Variants in SYNPR observed in about 807,000 individuals in gnomAD.
The protein encoded by SYNPR is synaptoporin.
In SYNPR, 23 loss-of-function variants were observed where a neutral mutation model predicts 32.9. The observed-to-expected ratio is 0.70, with a 90% CI of 0.50 to 0.99. SYNPR has a LOEUF of 0.99. Ranked by LOEUF, SYNPR falls within the 50% of genes least tolerant of loss-of-function variation. The pLI, the probability that SYNPR is intolerant of heterozygous loss-of-function variation, is 0.00. For synonymous variants in SYNPR, 146 were observed against 135.9 expected, an observed-to-expected ratio of 1.07 and a Z score of -0.52; for missense variants, 318 against 349.3, an observed-to-expected ratio of 0.91 and a Z score of 0.71.
At chr3:63,567,111 A>G (rs1425164055) in intron 4 of SYNPR, among the ~76,000 whole-genome samples, 1 of 152,168 alleles carries the variant, frequency 6.6e-6, no homozygotes, top group African/African-American at 2.4e-5. Context: ...GTCATTATAG[A>G]CAAATGCAAT....
chr3:63,249,149 G>A (rs1440302074), intron 1 of SYNPR, among the ~76,000 whole-genome samples: 2 of 152,090 alleles, frequency 1.3e-5, no homozygotes, highest in Non-Finnish European at 2.9e-5. Flanking sequence ...AAGGAGTTCA[G>A]GGAATGTAAG....
intron 2 of SYNPR, among the ~76,000 whole-genome samples, chr3:63,263,903 G>T (rs1056250816): frequency 2.6e-5 from 4 of 152,204 alleles, no homozygotes; most frequent in African/African-American, 9.6e-5. Context: ...TTCCTGATGG[G>T]AAGTGTCATA....
At chr3:63,532,426 A>G (rs541194373) in intron 3 of SYNPR, among the ~76,000 whole-genome samples, 1 of 152,348 alleles carries the variant, frequency 6.6e-6, no homozygotes, top group Admixed American at 6.5e-5. Context: ...TATCCATCCC[A>G]GATTAATTCA....
intron 3 of SYNPR, among the ~76,000 whole-genome samples, chr3:63,272,708 C>G (rs1253044537): frequency 6.6e-6 from 1 of 152,088 alleles, no homozygotes; most frequent in African/African-American, 2.4e-5. Flanking sequence ...CTGTCCTTAT[C>G]CCTCCCTGGT....
intron 2 of SYNPR, among the ~76,000 whole-genome samples, chr3:63,446,449 A>C (rs1369725114): frequency 2.0e-5 from 3 of 152,112 alleles, no homozygotes; most frequent in African/African-American, 7.2e-5. Flanking sequence ...AGAGTCCCCA[A>C]ATGCATTCCT....
At chr3:63,393,491 C>CTT (rs1482584312) in intron 2 of SYNPR, among the ~76,000 whole-genome samples, 9 of 116,644 alleles carry the variant, frequency 7.7e-5, no homozygotes, top group African/African-American at 3.0e-4. Flanking sequence ...TTCTTTCTTT[C>CTT]TTCTCTTTTT....
At chr3:63,572,373 G>C (rs992951305) in intron 4 of SYNPR, among the ~76,000 whole-genome samples, 1 of 151,718 alleles carries the variant, frequency 6.6e-6, no homozygotes, top group Non-Finnish European at 1.5e-5. Flanking sequence ...ATTATTCAAA[G>C]TCTTCTGTCC....
At chr3:63,472,764 T>G (rs148173214) in intron 2 of SYNPR, among the ~76,000 whole-genome samples, 1 of 152,124 alleles carries the variant, frequency 6.6e-6, no homozygotes, top group East Asian at 1.9e-4. Flanking sequence ...CTTTCTAAAC[T>G]GCAATTTTTT....
In SYNPR at chr3:63,553,844, C is replaced by G. The variant is rs193254308; in HGVS notation, c.210-2699C>G. Among the ~76,000 whole-genome samples, 323 of 152,316 alleles carry G rather than the reference C, an allele frequency of 2.1e-3. 1 individual carries two copies. Among genetic ancestry groups the G allele is most frequent in the African/African-American group, 7.2e-3 (301 of 41,566 alleles). On this transcript the variant is annotated intron_variant, in intron 3 of 5. Transcript: ENST00000478300. The stretch of plus-strand genomic sequence containing the variant: ...TCAAGTGATTCTCCTGCCTCAGCCT[C>G]CCGAGTAGCTGGGATTACAGGCATG...
At chr3:63,613,492 G>C (rs2106909901) in intron 5 of SYNPR, among the ~76,000 whole-genome samples, 1 of 151,660 alleles carries the variant, frequency 6.6e-6, no homozygotes, top group Admixed American at 6.6e-5. Flanking sequence ...GAAGAAGGAG[G>C]GAGGTCTGTA....
At chr3:63,465,946 G>A (rs559685950) in intron 2 of SYNPR, among the ~76,000 whole-genome samples, 2 of 152,156 alleles carry the variant, frequency 1.3e-5, no homozygotes, top group South Asian at 4.2e-4. Flanking sequence ...ATGTGTGCAA[G>A]TTTGTGACAT....
At chr3:63,498,141 C>T (rs1347530190) in intron 3 of SYNPR, among the ~76,000 whole-genome samples, 11 of 152,026 alleles carry the variant, frequency 7.2e-5, no homozygotes, top group Non-Finnish European at 1.3e-4. Context: ...GGATAGGGTG[C>T]TTGCCCTCAG....
chr3:63,241,914 T>C (rs2086247418), intron 1 of SYNPR, among the ~76,000 whole-genome samples: 1 of 152,088 alleles, frequency 6.6e-6, no homozygotes, highest in Admixed American at 6.6e-5. Flanking sequence ...TGTGGATTCA[T>C]AATCAGCTAA....
chr3:63,569,214 T>A (rs1424659708), intron 4 of SYNPR, among the ~76,000 whole-genome samples: 1 of 152,228 alleles, frequency 6.6e-6, no homozygotes, highest in Non-Finnish European at 1.5e-5. Flanking sequence ...TTTGAATTTT[T>A]CTCTCTCATA....
intron 2 of SYNPR, among the ~76,000 whole-genome samples, chr3:63,458,361 T>A (rs1256877492): frequency 6.6e-6 from 1 of 152,124 alleles, no homozygotes; most frequent in Non-Finnish European, 1.5e-5. Context: ...CTGGGTAGCA[T>A]GTCTGCTGAT....
At chr3:63,264,603 T>G (rs1386796570) in intron 2 of SYNPR, among the ~76,000 whole-genome samples, 1 of 152,206 alleles carries the variant, frequency 6.6e-6, no homozygotes, top group East Asian at 1.9e-4. Context: ...ATTTTTGTTT[T>G]CCGTGAAGTA....
At chr3:63,358,247 A>G (rs985454466) in intron 2 of SYNPR, among the ~76,000 whole-genome samples, 1 of 152,268 alleles carries the variant, frequency 6.6e-6, no homozygotes, top group Non-Finnish European at 1.5e-5. Flanking sequence ...TCTGGAGGCC[A>G]GAATCCTAAA....
intron 2 of SYNPR, among the ~76,000 whole-genome samples, chr3:63,347,452 A>C (rs1051950075): frequency 6.6e-6 from 1 of 152,118 alleles, no homozygotes; most frequent in Non-Finnish European, 1.5e-5. Context: ...TTCATATACT[A>C]TTGCTAAATA....
chr3:63,551,781 C>G (rs1210187162), intron 3 of SYNPR, among the ~76,000 whole-genome samples: 7 of 152,154 alleles, frequency 4.6e-5, no homozygotes, highest in Non-Finnish European at 8.8e-5. Context: ...TCTCAGAAAA[C>G]CCATCCTTTC....
Sources: gnomAD v4.1 joint callset for allele counts (sites outside exome capture counted in the v4.1 genomes callset) on GRCh38, gnomAD v4.1.1 for gene constraint, MANE v1.5 for transcripts, NCBI Gene and HGNC (gene_info 2026-07-23, HGNC 2026-07-21) for gene names.